Variants in PDE1C observed in about 807,000 individuals in gnomAD.
PDE1C encodes the protein dual specificity calcium/calmodulin-dependent 3',5'-cyclic nucleotide phosphodiesterase 1C.
A neutral mutation model predicts 93.1 loss-of-function variants in PDE1C; 62 were observed. That is an observed-to-expected ratio of 0.67 (90% CI 0.54 to 0.82). The LOEUF (loss-of-function observed/expected upper bound fraction) is 0.82. Ranked by LOEUF, PDE1C falls within the 40% of genes least tolerant of loss-of-function variation. The pLI is 0.00. For missense variants in PDE1C, 742 were observed against 884.6 expected, an observed-to-expected ratio of 0.84 and a Z score of 2.04; for synonymous variants, 325 against 310.1, an observed-to-expected ratio of 1.05 and a Z score of -0.50.
At chr7:32,176,976 T>C (rs181873706) in intron 2 of PDE1C, among the ~76,000 whole-genome samples, 1 of 152,330 alleles carries the variant, frequency 6.6e-6, no homozygotes, top group East Asian at 1.9e-4. Context: ...TCTGAAGAGA[T>C]GTTTGCTGAA....
chr7:32,391,254 T>G (rs528363515), intron 1 of PDE1C, among the ~76,000 whole-genome samples: 3 of 152,042 alleles, frequency 2.0e-5, no homozygotes, highest in South Asian at 4.2e-4. Flanking sequence ...TCAAAAATAT[T>G]ACCAGAGCAA....
At chr7:32,059,969 C>T (rs1423632066) in intron 1 of PDE1C, among the ~76,000 whole-genome samples, 1 of 152,128 alleles carries the variant, frequency 6.6e-6, no homozygotes, top group Non-Finnish European at 1.5e-5. Flanking sequence ...CGACCTTCTT[C>T]CTGGGAGCCC....
At chr7:32,311,536 C>T (rs1239158871) in intron 1 of PDE1C, among the ~76,000 whole-genome samples, 3 of 152,172 alleles carry the variant, frequency 2.0e-5, no homozygotes, top group East Asian at 1.9e-4. Context: ...TCCAGCAGCA[C>T]ATCAAAAAGC....
intron 2 of PDE1C, among the ~76,000 whole-genome samples, chr7:31,968,059 T>C (rs1280975794): frequency 1.3e-5 from 2 of 152,160 alleles, no homozygotes; most frequent in African/African-American, 2.4e-5. Context: ...AAGACAGGGA[T>C]GCCCTCTCTC....
intron 6 of PDE1C, among the ~76,000 whole-genome samples, chr7:31,868,729 T>C (rs1429642847): frequency 6.6e-6 from 1 of 151,638 alleles, no homozygotes; most frequent in Non-Finnish European, 1.5e-5. Flanking sequence ...CAAAAAGATC[T>C]CCACAGCACA....
chr7:31,697,083 C>T, the PDE1C span: 1 of 1,614,096 alleles, frequency 6.2e-7, no homozygotes, highest in Non-Finnish European at 8.5e-7. Flanking sequence ...GGAGAAAAGA[C>T]ACACCTGCCC....
intron 2 of PDE1C, among the ~76,000 whole-genome samples, chr7:32,022,412 G>A (rs181465037): frequency 5.3e-5 from 8 of 152,144 alleles, no homozygotes; most frequent in Non-Finnish European, 1.0e-4. Context: ...AACAGAGGAG[G>A]TAAGACTTGA....
chr7:32,286,940 C>A (rs1562651649), intron 1 of PDE1C, among the ~76,000 whole-genome samples: 1 of 152,168 alleles, frequency 6.6e-6, no homozygotes, highest in Non-Finnish European at 1.5e-5. Context: ...AAGACAGCCT[C>A]CAGCCCCCAA....
chr7:32,410,967 T>G (rs1180318250), intron 1 of PDE1C, among the ~76,000 whole-genome samples: 3 of 152,180 alleles, frequency 2.0e-5, no homozygotes, highest in Non-Finnish European at 4.4e-5. Flanking sequence ...AAATTCTGTT[T>G]CCTACCAGGA....
At position 32,309,602 on chromosome 7, in the gene PDE1C, C is replaced by T. The variant is rs546839027; in HGVS notation, c.311-100063G>A. Among the ~76,000 whole-genome samples the T allele has an allele frequency of 1.3e-4, 20 of 152,324 alleles. No individual in the cohort carries two copies. In the East Asian group the frequency reaches 3.7e-3, roughly 28 times the overall value. ...GGAGTGGGGGCCAATATTCAACATT[C>T]TTATAGAAAAGAATTTCCAACCCAG... On this transcript the variant is annotated intron_variant, in intron 1 of 1. Transcript: ENST00000672256.
chr7:32,046,365 G>C (rs1443690532), intron 2 of PDE1C, among the ~76,000 whole-genome samples: 1 of 152,096 alleles, frequency 6.6e-6, no homozygotes, highest in African/African-American at 2.4e-5. Flanking sequence ...AACAATACTG[G>C]AGGCTCACTT....
chr7:31,957,664 A>T lies in PDE1C; in HGVS notation c.129-76804T>A, dbSNP rs142029060. ...GGGAAACACTGGGCCATATTAGCAC[A>T]GTTTTTGTGCAGCATTGCATACACT... On this transcript the variant is annotated intron_variant, in intron 2 of 17. Coordinates refer to ENST00000396191, the MANE Select transcript of PDE1C (RefSeq NM_001191057.4). Among the ~76,000 whole-genome samples, 70 of 152,294 alleles carry T rather than the reference A, an allele frequency of 4.6e-4. No homozygotes were observed. In the East Asian group the frequency reaches 0.013, roughly 28 times the overall value.
the PDE1C span, among the ~76,000 whole-genome samples, chr7:31,717,468 T>G: frequency 2.0e-5 from 3 of 151,810 alleles, no homozygotes; most frequent in Non-Finnish European, 4.4e-5. Flanking sequence ...TGCCCTTGGG[T>G]GGGGGGCAGA....
At chr7:32,012,617 G>T (rs1289582722) in intron 2 of PDE1C, among the ~76,000 whole-genome samples, 1 of 152,146 alleles carries the variant, frequency 6.6e-6, no homozygotes, top group Admixed American at 6.5e-5. Flanking sequence ...GGCATATGGG[G>T]GAGAGGGAGG....
At chr7:32,161,159 A>G (rs1264302015) in intron 3 of PDE1C, among the ~76,000 whole-genome samples, 1 of 152,230 alleles carries the variant, frequency 6.6e-6, no homozygotes, top group Admixed American at 6.5e-5. Context: ...TCTATGATAT[A>G]CCAGGCAATC....
At chr7:31,695,507 A>C in the PDE1C span, 3 of 1,613,140 alleles carry the variant, frequency 1.9e-6, no homozygotes, top group Admixed American at 1.7e-5. Context: ...CTGTGATCTC[A>C]AAAAGAAGCC....
the PDE1C span, among the ~76,000 whole-genome samples, chr7:31,630,649 AG>A: frequency 6.6e-6 from 1 of 152,212 alleles, no homozygotes; most frequent in Non-Finnish European, 1.5e-5. Context: ...TTATAAAAAT[AG>A]ATATAAAATT....
intron 7 of PDE1C, among the ~76,000 whole-genome samples, chr7:31,857,815 T>G (rs568950417): frequency 6.6e-6 from 1 of 152,326 alleles, no homozygotes; most frequent in East Asian, 1.9e-4. Context: ...GATAATTCTG[T>G]TTTTAAAAAG....
At chr7:31,664,937 A>T in the PDE1C span, among the ~76,000 whole-genome samples, 1 of 152,198 alleles carries the variant, frequency 6.6e-6, no homozygotes, top group East Asian at 1.9e-4. Context: ...AATCAGGTAC[A>T]TTGGCCACCT....
Sources: gnomAD v4.1 joint callset for allele counts (sites outside exome capture counted in the v4.1 genomes callset) on GRCh38, gnomAD v4.1.1 for gene constraint, MANE v1.5 for transcripts, NCBI Gene and HGNC (gene_info 2026-07-23, HGNC 2026-07-21) for gene names.